BIN2: variants seen among roughly 807,000 people sequenced by gnomAD.
BIN2 encodes bridging integrator 2, also known as breast cancer associated protein BRAP1.
In BIN2, 43 loss-of-function variants were observed where a neutral mutation model predicts 67.9. The ratio of observed to expected loss-of-function variants is 0.63; its 90% CI spans 0.50 to 0.82. BIN2 has a LOEUF of 0.82. BIN2 is among the 40% of genes least tolerant of loss of function. The probability of loss-of-function intolerance (pLI) is 0.00; values close to 1 mark genes in which losing one functional copy is unlikely to be tolerated. For missense variants in BIN2, 581 were observed against 671.6 expected, an observed-to-expected ratio of 0.87 and a Z score of 1.49; for synonymous variants, 244 against 246.8, an observed-to-expected ratio of 0.99 and a Z score of 0.11.
At chr12:51,282,258 A>G (rs1273228634) in intron 12 of BIN2, among the ~76,000 whole-genome samples, 1 of 58,326 alleles carries the variant, frequency 1.7e-5, no homozygotes, top group African/African-American at 3.5e-5. Context: ...GTATGTTAAT[A>G]TAATAAACAT....
At chr12:51,308,141 T>C (rs1292962234) in intron 2 of BIN2, among the ~76,000 whole-genome samples, 1 of 152,064 alleles carries the variant, frequency 6.6e-6, no homozygotes, top group African/African-American at 2.4e-5. Flanking sequence ...GGCTGAATAA[T>C]CCCAACATCT....
At chr12:51,284,895 C>G in intron 11 of BIN2, 108 bp from the exon 12 acceptor site, 1 of 832,926 alleles carries the variant, frequency 1.2e-6, no homozygotes, top group Non-Finnish European at 2.0e-6. Context: ...AGTATTTGTA[C>G]TATTACAAAG....
At chr12:51,299,562 A>T in intron 6 of BIN2, 45 bp downstream of exon 6, 20 of 1,567,124 alleles carry the variant, frequency 1.3e-5, no homozygotes, top group Non-Finnish European at 1.8e-5. Context: ...GGGGAGAAGG[A>T]GAACAGGAAG....
intron 1 of BIN2, among the ~76,000 whole-genome samples, chr12:51,318,331 A>G (rs1197292480): frequency 6.8e-6 from 1 of 148,120 alleles, no homozygotes; most frequent in Non-Finnish European, 1.5e-5. Context: ...ATGCCATCTC[A>G]GCTCACTGCA....
intron 2 of BIN2, among the ~76,000 whole-genome samples, chr12:51,308,026 T>C (rs1011130180): frequency 6.6e-6 from 1 of 152,064 alleles, no homozygotes; most frequent in African/African-American, 2.4e-5. Flanking sequence ...TGTGTGTGTG[T>C]TGGTGGGGGT....
At position 51,284,786 on chromosome 12, in the gene BIN2, C is replaced by T; in HGVS notation, c.1598G>A (p.Gly533Asp). 1 of 1,612,448 alleles carries T rather than the reference C, an allele frequency of 6.2e-7. No homozygotes were observed. The highest frequency in any genetic ancestry group is 8.5e-7 in the Non-Finnish European group (1 of 1,178,584). Residue 533 changes from glycine (G) to aspartate (D), a missense_variant and splice_region_variant, in exon 12 of 13, where the codon GGC becomes GAC. Physicochemically the swap from Gly to Asp is moderately conservative, Grantham distance 94. Transcript: ENST00000615107. ...CATGGAGACTTGAAGCTGGTCTTGGCCCTACAAAGAGAAGAGTTCTGCCAG... is the reference window on the plus strand; with the variant it reads ...CATGGAGACTTGAAGCTGGTCTTGGTCCTACAAAGAGAAGAGTTCTGCCAG... ...NKLISANSSE[G>D]QDQLQVSMVP...
chr12:51,283,993 C>CA lies in BIN2; in HGVS notation c.1668+722dup, dbSNP rs34571040. Among the ~76,000 whole-genome samples the CA allele has an allele frequency of 7.7e-4, 103 of 133,116 alleles. 5 individuals are homozygous for CA. Among genetic ancestry groups the CA allele is most frequent in the African/African-American group, 2.2e-3 (77 of 35,650 alleles). The allele number at this position is 133,116 out of a possible 152,430, so 87.3% of individuals were successfully genotyped here. On this transcript the variant is annotated intron_variant, in intron 12 of 12. Coordinates refer to ENST00000615107, the MANE Select transcript of BIN2 (RefSeq NM_016293.4). ...GGGCAACAAGAGTGAAACTCCGTCT[C>CA]AAAAAAAAAAAAAAGAAAAGAAAAA...
chr12:51,324,317 C>A (rs1020906197), upstream of BIN2: 1 of 1,353,360 alleles, frequency 7.4e-7, no homozygotes, highest in South Asian at 1.6e-5. Flanking sequence ...GGCCTACCCT[C>A]AGGCAGCGCT....
chr12:51,282,622 G>A (rs1158438724), intron 12 of BIN2, among the ~76,000 whole-genome samples: 1 of 152,038 alleles, frequency 6.6e-6, no homozygotes, highest in Non-Finnish European at 1.5e-5. Context: ...TTGAGACACA[G>A]TCTCACTCCA....
At chr12:51,290,963 A>G (rs1019792912) in intron 10 of BIN2, among the ~76,000 whole-genome samples, 3 of 151,728 alleles carry the variant, frequency 2.0e-5, no homozygotes, top group Non-Finnish European at 4.4e-5. Context: ...CAAAAAATAA[A>G]CATGGAGAAA....
At chr12:51,311,340 A>G (rs1360694377) in intron 2 of BIN2, among the ~76,000 whole-genome samples, 3 of 151,796 alleles carry the variant, frequency 2.0e-5, no homozygotes, top group Admixed American at 2.0e-4. Flanking sequence ...GTACCCAACC[A>G]TGTACTTTCT....
At chr12:51,296,589 G>C (rs142590583) in intron 8 of BIN2, among the ~76,000 whole-genome samples, 226 of 152,148 alleles carry the variant, frequency 1.5e-3, no homozygotes, top group African/African-American at 5.2e-3. Flanking sequence ...ATGTATAGCT[G>C]TTTGTGAATA....
chr12:51,308,233 A>G (rs907809030), intron 2 of BIN2, among the ~76,000 whole-genome samples: 2 of 152,164 alleles, frequency 1.3e-5, no homozygotes, highest in Non-Finnish European at 2.9e-5. Flanking sequence ...TTTACCACCA[A>G]CTAGCAAGTT....
chr12:51,292,036 G>A lies in BIN2; in HGVS notation c.1070C>T (p.Ser357Phe), dbSNP rs1945397579. 1 of 1,614,170 alleles carries A rather than the reference G, an allele frequency of 6.2e-7. No individual in the cohort carries two copies. The highest frequency in any genetic ancestry group is 1.1e-5 in the South Asian group (1 of 91,080). The change falls in exon 10 of 13, where the codon TCC (serine) becomes TTC (phenylalanine). Residue 357 changes from serine (S) to phenylalanine (F), a missense_variant. Coordinates refer to ENST00000615107, the MANE Select transcript of BIN2 (RefSeq NM_016293.4). ...GGAGCTGGGGAGAACTTCCTCCTGGGACTTGGCCCTTTCAGTGGTAGGAGA... is the reference window on the plus strand; with the variant it reads ...GGAGCTGGGGAGAACTTCCTCCTGGAACTTGGCCCTTTCAGTGGTAGGAGA... Reference protein sequence around the residue: ...QPSPTTERAKSQEEVLPSSTT... With the variant: ...QPSPTTERAKFQEEVLPSSTT...
chr12:51,288,277 T>G, intron 10 of BIN2, 89 bp from the exon 11 acceptor site: 1 of 1,052,494 alleles, frequency 9.5e-7, no homozygotes. Flanking sequence ...TTAGCTCCTC[T>G]CAGATATCAG....
At chr12:51,319,173 C>T (rs1318163090) in intron 1 of BIN2, among the ~76,000 whole-genome samples, 1 of 152,168 alleles carries the variant, frequency 6.6e-6, no homozygotes, top group Non-Finnish European at 1.5e-5. Flanking sequence ...AAAGAGAAAA[C>T]TCAGTCTAGA....
chr12:51,309,589 T>G (rs1945945036), intron 2 of BIN2, among the ~76,000 whole-genome samples: 1 of 152,218 alleles, frequency 6.6e-6, no homozygotes, highest in South Asian at 2.1e-4. Flanking sequence ...TCTCACTATG[T>G]TGCCCAGGCT....
Position 51,292,067 on chromosome 12 carries a change from G to A in BIN2, c.1039C>T (p.Gln347Ter). The A allele has an allele frequency of 6.2e-7, 1 of 1,614,132 alleles. No individual in the cohort carries two copies. Among genetic ancestry groups the A allele is most frequent in the Non-Finnish European group, 8.5e-7 (1 of 1,179,984 alleles). ...LPACNGPAQA[Q>*]PSPTTERAKS... ...GCCCTTTCAGTGGTAGGAGAGGGCT[G>A]GGCCTGGGCGGGGCCATTGCAGGCT... Residue 347 changes from glutamine (Q) to a stop codon, truncating the protein, a stop_gained, in exon 10 of 13, where the codon CAG (glutamine) becomes TAG (stop). Transcript: ENST00000615107. LOFTEE classifies it high-confidence loss of function.
intron 5 of BIN2, among the ~76,000 whole-genome samples, chr12:51,301,655 C>T (rs964852048): frequency 3.3e-5 from 5 of 151,968 alleles, no homozygotes; most frequent in Non-Finnish European, 5.9e-5. Flanking sequence ...ACTACAGACA[C>T]GCACCACCAC....
Sources: allele counts gnomAD v4.1 joint callset (sites outside exome capture counted in the v4.1 genomes callset), GRCh38; gene constraint gnomAD v4.1.1; transcripts MANE v1.5; gene names NCBI Gene and HGNC (gene_info 2026-07-23, HGNC 2026-07-21).